The following PRELID2 variants were observed in gnomAD, a reference collection of about 807,000 sequenced individuals.
PRELID2 encodes PRELI domain containing 2, also known as PRELI domain-containing protein 2.
A neutral mutation model predicts 28.4 loss-of-function variants in PRELID2; 25 were observed. The observed-to-expected ratio is 0.88, with a 90% confidence interval of 0.64 to 1.23. The LOEUF (loss-of-function observed/expected upper bound fraction) is 1.23. Among genes scored for constraint, PRELID2 ranks in the 50% most tolerant of loss-of-function variants. The pLI, the probability that PRELID2 is intolerant of heterozygous loss-of-function variation, is 0.00. For missense variants in PRELID2, 201 were observed against 214.4 expected (o/e 0.94, Z 0.39); for synonymous variants, 76 against 71.6 (o/e 1.06, Z -0.31).
the PRELID2 span, among the ~76,000 whole-genome samples, chr5:145,419,898 G>A: frequency 6.6e-6 from 1 of 151,584 alleles, no homozygotes; most frequent in East Asian, 1.9e-4. Flanking sequence ...ATCTTGAATT[G>A]ATTTTTGTAT....
At chr5:145,812,921 T>A (rs539990786) in intron 4 of PRELID2, among the ~76,000 whole-genome samples, 1 of 152,320 alleles carries the variant, frequency 6.6e-6, no homozygotes, top group South Asian at 2.1e-4. Context: ...ACAGTACAGA[T>A]GGGGGAAAGC....
In PRELID2 at chr5:145,651,386, G is replaced by A. The variant is rs189606568; in HGVS notation, n.70+113545C>T. Reference sequence around the variant, plus strand: ...AACCTCTGCAGACTTCAATGTCCTCGTCTGACAGCATTGAATAGAGTAGTG... The same window carrying A: ...AACCTCTGCAGACTTCAATGTCCTCATCTGACAGCATTGAATAGAGTAGTG... On this transcript the variant is annotated intron_variant and non_coding_transcript_variant, in intron 1 of 2. Coordinates refer to the PRELID2 transcript ENST00000510259. Among the ~76,000 whole-genome samples, 12 of 152,282 alleles carry A rather than the reference G, an allele frequency of 7.9e-5. No individual in the cohort carries two copies. The East Asian group carries it at 1.2e-3, about 15-fold the overall frequency.
At chr5:145,741,475 ATT>A (rs373100875) in intron 1 of PRELID2, among the ~76,000 whole-genome samples, 48,445 of 64,008 alleles carry the variant, frequency 0.76, 19,302 homozygotes, top group Non-Finnish European at 0.83. Context: ...TATAAACAAA[ATT>A]TATTTATAAA....
Position 145,704,674 on chromosome 5 carries a change from G to A in PRELID2, n.70+60257C>T, listed in dbSNP as rs544853619. Among the ~76,000 whole-genome samples the A allele has an allele frequency of 8.9e-4, 136 of 152,324 alleles. 1 individual carries two copies. The highest frequency in any genetic ancestry group is 3.1e-3 in the African/African-American group (129 of 41,560). ...ACTTTGTAAATAGTTTTCCGCAGGA[G>A]CCATTTTTGACAACGGCTGCAGTTG... On this transcript the variant is annotated intron_variant and non_coding_transcript_variant, in intron 1 of 2. Coordinates refer to the PRELID2 transcript ENST00000510259.
intron 3 of PRELID2, 77 bp downstream of exon 3, chr5:145,819,867 AG>A (rs11293460): frequency 0.76 from 738,879 of 969,482 alleles, 285,792 homozygotes; most frequent in Non-Finnish European, 0.81. Flanking sequence ...CCTTTACATC[AG>A]AAAATGCTGT....
the PRELID2 span, among the ~76,000 whole-genome samples, chr5:145,366,729 C>T: frequency 0.018 from 2,668 of 152,006 alleles, 78 homozygotes; most frequent in African/African-American, 0.06. Context: ...CAGCATCACA[C>T]CATACTTTAA....
chr5:145,362,163 GAAGA>G, the PRELID2 span, among the ~76,000 whole-genome samples: 22 of 152,248 alleles, frequency 1.4e-4, no homozygotes, highest in East Asian at 3.7e-3. Flanking sequence ...TATGCTAAAT[GAAGA>G]AAGGAAGGAA....
chr5:145,717,071 G>GA (rs1561555828), intron 1 of PRELID2, among the ~76,000 whole-genome samples: 2 of 152,084 alleles, frequency 1.3e-5, no homozygotes, highest in African/African-American at 2.4e-5. Flanking sequence ...AGAAGATATG[G>GA]AAAAAATATT....
chr5:145,828,992 C>T, intron 1 of PRELID2, among the ~76,000 whole-genome samples: 1 of 151,854 alleles, frequency 6.6e-6, no homozygotes, highest in South Asian at 2.1e-4. Context: ...TGTGTGCCAC[C>T]ATGCCCCGGC....
At chr5:145,598,039 G>A (rs141597593) in intron 1 of PRELID2, among the ~76,000 whole-genome samples, 1 of 152,244 alleles carries the variant, frequency 6.6e-6, no homozygotes, top group African/African-American at 2.4e-5. Context: ...ACAATCCCAT[G>A]GGTTAGATTG....
the PRELID2 span, among the ~76,000 whole-genome samples, chr5:145,387,684 C>A: frequency 4.7e-4 from 71 of 152,220 alleles, no homozygotes; most frequent in Admixed American, 1.5e-3. Flanking sequence ...GTAATACCAG[C>A]ACTTTGGGAG....
At chr5:145,585,839 C>T (rs980099349) in intron 1 of PRELID2, among the ~76,000 whole-genome samples, 1 of 152,018 alleles carries the variant, frequency 6.6e-6, no homozygotes, top group African/African-American at 2.4e-5. Context: ...GCCAGAGATA[C>T]CGAAAAGCCT....
At chr5:145,361,504 A>T in the PRELID2 span, among the ~76,000 whole-genome samples, 1 of 152,124 alleles carries the variant, frequency 6.6e-6, no homozygotes, top group Non-Finnish European at 1.5e-5. Context: ...CCCTATTGAG[A>T]ATGCATCCAT....
chr5:145,555,358 A>C (rs1258501307), intron 1 of PRELID2, among the ~76,000 whole-genome samples: 3 of 152,238 alleles, frequency 2.0e-5, no homozygotes, highest in Non-Finnish European at 2.9e-5. Context: ...GCAGTTCAAA[A>C]GTATTTAAAG....
At chr5:145,399,887 C>T in the PRELID2 span, among the ~76,000 whole-genome samples, 1 of 152,146 alleles carries the variant, frequency 6.6e-6, no homozygotes, top group African/African-American at 2.4e-5. Flanking sequence ...CAACGTACCT[C>T]ATGAGACTTT....
chr5:145,622,285 A>C (rs1753784138), intron 1 of PRELID2, among the ~76,000 whole-genome samples: 1 of 152,186 alleles, frequency 6.6e-6, no homozygotes, highest in Admixed American at 6.5e-5. Context: ...CATATTAAAG[A>C]CTGTTTAATT....
chr5:145,383,831 TAC>T, the PRELID2 span, among the ~76,000 whole-genome samples: 9 of 151,526 alleles, frequency 5.9e-5, no homozygotes, highest in African/African-American at 1.7e-4. Context: ...CACATGCACA[TAC>T]ACACACACAT....
the PRELID2 span, among the ~76,000 whole-genome samples, chr5:145,347,834 T>C: frequency 6.6e-6 from 1 of 152,134 alleles, no homozygotes; most frequent in African/African-American, 2.4e-5. Flanking sequence ...GTACTATCTC[T>C]TCAGTATTTT....
the PRELID2 span, among the ~76,000 whole-genome samples, chr5:145,340,776 T>TATATAC: frequency 1.2e-5 from 1 of 83,572 alleles, no homozygotes; most frequent in Non-Finnish European, 2.4e-5. Flanking sequence ...TATACATATA[T>TATATAC]ATATATATAT....
Sources: allele counts gnomAD v4.1 joint callset (sites outside exome capture counted in the v4.1 genomes callset), GRCh38; gene constraint gnomAD v4.1.1; transcripts MANE v1.5; gene names NCBI Gene and HGNC (gene_info 2026-07-23, HGNC 2026-07-21).